The following TENM1 variants were observed in gnomAD, a reference collection of about 807,000 sequenced individuals.
TENM1 encodes the protein teneurin-1.
A neutral mutation model predicts 174.8 loss-of-function variants in TENM1; 35 were observed. The ratio of observed to expected loss-of-function variants is 0.20; its 90% CI spans 0.15 to 0.27. The LOEUF (loss-of-function observed/expected upper bound fraction) is 0.27, where lower values mean the gene tolerates loss of function less well. TENM1 is among the 10% of genes least tolerant of loss of function. The pLI, the probability that TENM1 is intolerant of heterozygous loss-of-function variation, is 1.00. For missense variants in TENM1, 1,633 were observed against 2,130.1 expected (o/e 0.77, Z 4.59); for synonymous variants, 781 against 798.7 (o/e 0.98, Z 0.37).
At chrX:124,932,852 T>C (rs911144310) in intron 1 of TENM1, among the ~76,000 whole-genome samples, 1 of 111,646 alleles carries the variant, frequency 9.0e-6, no homozygotes, top group African/African-American at 3.3e-5. Context: ...ACATGGGGTT[T>C]TTCTAACCTT....
At chrX:125,182,453 CGGG>C in the TENM1 span, among the ~76,000 whole-genome samples, 1 of 30,783 alleles carries the variant, frequency 3.2e-5, no homozygotes, top group Non-Finnish European at 9.6e-5. Flanking sequence ...TTTCGGCGGG[CGGG>C]GGGGGGGGCA....
intron 18 of TENM1, among the ~76,000 whole-genome samples, chrX:124,510,285 T>C (rs1466577363): frequency 8.9e-6 from 1 of 112,427 alleles, no homozygotes; most frequent in East Asian, 2.8e-4. Flanking sequence ...GGCAAATGCT[T>C]TCATCTACTA....
chrX:124,515,403 C>T (rs2047680298), intron 18 of TENM1, among the ~76,000 whole-genome samples: 1 of 111,587 alleles, frequency 9.0e-6, no homozygotes, highest in African/African-American at 3.3e-5. Flanking sequence ...GACAGGAAGT[C>T]AAACTATCCT....
the TENM1 span, among the ~76,000 whole-genome samples, chrX:125,085,141 G>A: frequency 1.8e-5 from 2 of 109,334 alleles, no homozygotes; most frequent in Non-Finnish European, 3.8e-5. Context: ...ACTACCAATC[G>A]TTTATTTTAA....
chrX:124,889,362 A>G (rs926266934), intron 3 of TENM1, among the ~76,000 whole-genome samples: 1 of 111,711 alleles, frequency 9.0e-6, no homozygotes, highest in Non-Finnish European at 1.9e-5. Flanking sequence ...AATCTGGTTA[A>G]TCTTAGCTTC....
intron 25 of TENM1, among the ~76,000 whole-genome samples, chrX:124,417,992 T>G (rs1255628341): frequency 1.8e-5 from 2 of 112,333 alleles, no homozygotes; most frequent in African/African-American, 3.2e-5. Flanking sequence ...GTCATCATCT[T>G]TTGCCTGCAT....
the TENM1 span, among the ~76,000 whole-genome samples, chrX:125,156,705 T>C: frequency 8.9e-6 from 1 of 112,229 alleles, no homozygotes; most frequent in Admixed American, 9.4e-5. Context: ...TTGTGAATAG[T>C]GCTGCAATGA....
intron 23 of TENM1, among the ~76,000 whole-genome samples, chrX:124,427,416 CTGTT>C (rs1274001884): frequency 3.6e-5 from 4 of 112,294 alleles, no homozygotes; most frequent in Non-Finnish European, 5.6e-5. Context: ...GCTATTTTGT[CTGTT>C]TGTTTTCTTT....
chrX:125,187,272 G>T, the TENM1 span, among the ~76,000 whole-genome samples: 1 of 112,015 alleles, frequency 8.9e-6, no homozygotes, highest in Non-Finnish European at 1.9e-5. Flanking sequence ...AAACAAAAGA[G>T]AAAAAAGTCA....
intron 16 of TENM1, among the ~76,000 whole-genome samples, chrX:124,525,578 A>G (rs1384305268): frequency 8.9e-6 from 1 of 112,266 alleles, no homozygotes; most frequent in African/African-American, 3.2e-5. Context: ...CCAGATAAAA[A>G]CATAGGTGCC....
chrX:125,086,734 A>G, the TENM1 span, among the ~76,000 whole-genome samples: 1 of 111,017 alleles, frequency 9.0e-6, no homozygotes, highest in African/African-American at 3.3e-5. Flanking sequence ...TGCCACTTAG[A>G]AAACATATTC....
At chrX:124,814,546 A>T (rs1174407067) in intron 3 of TENM1, among the ~76,000 whole-genome samples, 1 of 110,188 alleles carries the variant, frequency 9.1e-6, no homozygotes, top group East Asian at 2.9e-4. Flanking sequence ...CAAGGTTTCC[A>T]TATCAGCTGA....
the TENM1 span, among the ~76,000 whole-genome samples, chrX:125,122,315 C>T: frequency 2.7e-5 from 3 of 110,623 alleles, no homozygotes; most frequent in Non-Finnish European, 3.8e-5. Context: ...TGTTAAACAC[C>T]CATATCAAAA....
chrX:124,503,394 C>A (rs1309165146), intron 19 of TENM1, among the ~76,000 whole-genome samples, 166 bp downstream of exon 22: 2 of 111,526 alleles, frequency 1.8e-5, no homozygotes, highest in African/African-American at 6.5e-5. Flanking sequence ...CGATTCTTAC[C>A]ACACTAAGAG....
the TENM1 span, among the ~76,000 whole-genome samples, chrX:125,131,658 G>C: frequency 9.0e-6 from 1 of 111,406 alleles, no homozygotes; most frequent in African/African-American, 3.3e-5. Flanking sequence ...AAATAAAAAG[G>C]GTCCTATTTT....
At chrX:124,599,196 T>A (rs2049974538) in intron 11 of TENM1, among the ~76,000 whole-genome samples, 1 of 111,612 alleles carries the variant, frequency 9.0e-6, no homozygotes, top group Non-Finnish European at 1.9e-5. Flanking sequence ...ACTTGGTGAC[T>A]GATCAGATAA....
At position 124,562,477 on chromosome X, in the gene TENM1, T is replaced by G. The variant is rs747404857; in HGVS notation, c.2288-660A>C. On this transcript the variant is annotated intron_variant, in intron 13 of 31. Transcript: ENST00000422452. ...TGATATTATGCTTATAACAATAATATTAAATGTTAAATAAGTGTTTATGGA... is the reference window on the plus strand; with the variant it reads ...TGATATTATGCTTATAACAATAATAGTAAATGTTAAATAAGTGTTTATGGA... Among the ~76,000 whole-genome samples the G allele has an allele frequency of 4.4e-5, 5 of 112,923 alleles. No individual in the cohort carries two copies. In the South Asian group the frequency reaches 1.8e-3, roughly 41 times the overall value.
At chrX:125,040,723 C>A in the TENM1 span, among the ~76,000 whole-genome samples, 1 of 111,093 alleles carries the variant, frequency 9.0e-6, no homozygotes, top group Non-Finnish European at 1.9e-5. Flanking sequence ...TGCACAATAA[C>A]ATTTCTCTTT....
intron 1 of TENM1, among the ~76,000 whole-genome samples, chrX:124,916,409 G>C (rs967340154): frequency 9.0e-6 from 1 of 111,161 alleles, no homozygotes; most frequent in Non-Finnish European, 1.9e-5. Flanking sequence ...CTGGGTTCAA[G>C]TGATTCTCCC....
Sources: allele counts gnomAD v4.1 joint callset (sites outside exome capture counted in the v4.1 genomes callset), GRCh38; gene constraint gnomAD v4.1.1; transcripts MANE v1.5; gene names NCBI Gene and HGNC (gene_info 2026-07-23, HGNC 2026-07-21).